CLCN3: variants seen among roughly 807,000 people sequenced by gnomAD.
The protein encoded by CLCN3 is Cl-/H+ antiporter 3.
CLCN3 carries 16 observed loss-of-function variants against 83.4 expected under a neutral mutation model. That is an observed-to-expected ratio of 0.19 (90% CI 0.13 to 0.29). The LOEUF (loss-of-function observed/expected upper bound fraction) is 0.29, where lower values mean the gene tolerates loss of function less well. Among genes scored for constraint, CLCN3 ranks in the 10% least tolerant of loss-of-function variants. The probability of loss-of-function intolerance (pLI) is 1.00; values close to 1 mark genes in which losing one functional copy is unlikely to be tolerated. For missense variants in CLCN3, 544 were observed against 1,006.0 expected (o/e 0.54, Z 6.21); for synonymous variants, 322 against 346.2 (o/e 0.93, Z 0.78).
intron 10 of CLCN3, among the ~76,000 whole-genome samples, chr4:169,705,269 A>G (rs1015588280): frequency 1.1e-4 from 17 of 152,310 alleles, no homozygotes; most frequent in African/African-American, 3.8e-4. Flanking sequence ...TGTATTCATG[A>G]GGCTTTGAAG....
At chr4:169,702,777 CAAAAAAAAAAAA>C (rs60812626) in intron 9 of CLCN3, 126,110 of 244,556 alleles carry the variant, frequency 0.52, 32,306 homozygotes, top group East Asian at 0.75. Context: ...CCCATCTCTA[CAAAAAAAAAAAA>C]AAAAAAAAGA....
At chr4:169,665,558 C>T (rs867274867) in intron 2 of CLCN3, among the ~76,000 whole-genome samples, 7 of 151,984 alleles carry the variant, frequency 4.6e-5, no homozygotes, top group Non-Finnish European at 8.8e-5. Context: ...ACTTTCCCAT[C>T]CCTTACCAGG....
intron 7 of CLCN3, 31 bp downstream of exon 7, chr4:169,692,351 AAAATATAT>A: frequency 3.5e-6 from 4 of 1,138,390 alleles, no homozygotes; most frequent in Non-Finnish European, 5.2e-6. Context: ...ATTTGACTGA[AAAATATAT>A]ATTATATAGT....
At chr4:169,623,665 T>C (rs1773161952) in intron 1 of CLCN3, among the ~76,000 whole-genome samples, 2 of 152,182 alleles carry the variant, frequency 1.3e-5, no homozygotes, top group East Asian at 1.9e-4. Context: ...CCTTTCCTTT[T>C]TCCCCCTTCT....
chr4:169,656,999 A>G (rs1481876623), intron 2 of CLCN3, among the ~76,000 whole-genome samples: 1 of 152,132 alleles, frequency 6.6e-6, no homozygotes, highest in Non-Finnish European at 1.5e-5. Flanking sequence ...TAAAACATGG[A>G]AACATATGGA....
chr4:169,668,731 T>TC (rs530903307), intron 2 of CLCN3, among the ~76,000 whole-genome samples: 9 of 75,344 alleles, frequency 1.2e-4, no homozygotes, highest in African/African-American at 3.6e-4. Flanking sequence ...AAGTTTTTGA[T>TC]TTTTTTTTTT....
At chr4:169,709,395 A>AG (rs1733120400) in intron 11 of CLCN3, among the ~76,000 whole-genome samples, 1 of 151,732 alleles carries the variant, frequency 6.6e-6, no homozygotes, top group South Asian at 2.1e-4. Flanking sequence ...AAAAAAAAAA[A>AG]GTCTGAGGCT....
chr4:169,694,408 A>G (rs745711984), intron 7 of CLCN3, among the ~76,000 whole-genome samples: 6 of 152,190 alleles, frequency 3.9e-5, no homozygotes, highest in South Asian at 2.1e-4. Context: ...CAGCCTGACT[A>G]TGGAGTTCAT....
chr4:169,697,107 A>G, intron 8 of CLCN3, 82 bp from the exon 9 acceptor site: 4 of 1,000,812 alleles, frequency 4.0e-6, no homozygotes, highest in Non-Finnish European at 4.3e-6. Flanking sequence ...GAGCTAGGAT[A>G]TTTACCATTC....
At chr4:169,654,590 C>T (rs905460948) in intron 2 of CLCN3, among the ~76,000 whole-genome samples, 12 of 152,000 alleles carry the variant, frequency 7.9e-5, no homozygotes, top group South Asian at 4.2e-4. Flanking sequence ...TCATTTTTAA[C>T]GTTTATAATG....
At position 169,689,073 on chromosome 4, in the gene CLCN3, C is replaced by T. The variant is rs1011368029; in HGVS notation, c.449C>T (p.Ala150Val). The part of the protein sequence containing the change: ...GALAGLIDIA[A>V]DWMTDLKEGI... ...CTGGCCGGATTAATAGACATTGCTG[C>T]CGATTGGATGACTGACCTAAAGGAG... The change falls in exon 5 of 13, where the codon GCC becomes GTC. Residue 150 changes from alanine to valine, a missense_variant. This residue lies in a region of CLCN3 where 96 missense variants were observed against 202.1 expected (regional missense o/e 0.48). Coordinates refer to ENST00000513761, the MANE Select transcript of CLCN3 (RefSeq NM_001829.4). 1 of 1,612,842 alleles carries T rather than the reference C, an allele frequency of 6.2e-7. No homozygotes were observed. The highest frequency in any genetic ancestry group is 1.3e-5 in the African/African-American group (1 of 74,862).
At chr4:169,645,297 G>A (rs990051821) in intron 2 of CLCN3, among the ~76,000 whole-genome samples, 3 of 151,992 alleles carry the variant, frequency 2.0e-5, no homozygotes, top group Non-Finnish European at 4.4e-5. Flanking sequence ...AGAGTGAAGG[G>A]TTTATATAAA....
chr4:169,704,126 C>T lies in CLCN3; in HGVS notation c.1692C>T (p.Val564=), dbSNP rs757508791. 2.5e-6 allele frequency: 4 copies of T among 1,613,802 alleles called. No individual in the cohort carries two copies. The highest frequency in any genetic ancestry group is 2.2e-5 in the East Asian group (1 of 44,866). ...DWFIFKEWCE[V]GADCITPGLY... The stretch of plus-strand genomic sequence containing the variant: ...TTATCTTTAAGGAGTGGTGTGAGGT[C>T]GGGGCTGATTGCATTACACCTGGCC... The change falls in exon 10 of 13, where the codon GTC becomes GTT. Residue 564 remains valine, a synonymous_variant. Transcript: ENST00000513761.
intron 2 of CLCN3, among the ~76,000 whole-genome samples, chr4:169,646,987 T>G (rs1159363253): frequency 6.6e-6 from 1 of 152,210 alleles, no homozygotes; most frequent in African/African-American, 2.4e-5. Context: ...TTATGATAAT[T>G]TTAGCCTGAG....
At chr4:169,702,018 T>C (rs1393598845) in intron 9 of CLCN3, among the ~76,000 whole-genome samples, 1 of 152,174 alleles carries the variant, frequency 6.6e-6, no homozygotes, top group African/African-American at 2.4e-5. Flanking sequence ...ATAAACTCCA[T>C]GATTTTGCCT....
At chr4:169,653,395 T>G (rs1397275515) in intron 2 of CLCN3, among the ~76,000 whole-genome samples, 1 of 152,098 alleles carries the variant, frequency 6.6e-6, no homozygotes, top group East Asian at 1.9e-4. Flanking sequence ...ATCCCTGCAC[T>G]TTGGGAGGCC....
intron 1 of CLCN3, 44 bp downstream of exon 1, chr4:169,621,107 C>A (rs988919024): frequency 7.6e-6 from 3 of 394,798 alleles, no homozygotes; most frequent in Admixed American, 4.4e-5. Flanking sequence ...CTCTCCTGTT[C>A]ACAGATTTTG....
chr4:169,687,049 T>C (rs1202951528), intron 3 of CLCN3, among the ~76,000 whole-genome samples: 13 of 152,188 alleles, frequency 8.5e-5, no homozygotes, highest in Admixed American at 7.9e-4. Context: ...TACATTGTAT[T>C]TATGGACATG....
chr4:169,646,544 C>G (rs1222968950), intron 2 of CLCN3, among the ~76,000 whole-genome samples: 2 of 152,134 alleles, frequency 1.3e-5, no homozygotes, highest in Non-Finnish European at 2.9e-5. Flanking sequence ...GATCTGCCCC[C>G]CTCGGCCTTC....
Sources: gnomAD v4.1 joint callset for allele counts (sites outside exome capture counted in the v4.1 genomes callset) on GRCh38, gnomAD v4.1.1 for gene constraint, gnomAD v4.1.1 regional missense constraint, MANE v1.5 for transcripts, NCBI Gene and HGNC (gene_info 2026-07-23, HGNC 2026-07-21) for gene names.